Variants in REV3L observed in about 807,000 individuals in gnomAD.
REV3L encodes REV3 like, DNA directed polymerase zeta catalytic subunit, also known as DNA polymerase zeta catalytic subunit.
In REV3L, 69 loss-of-function variants were observed where a neutral mutation model predicts 299.4. That is an observed-to-expected ratio of 0.23 (90% CI 0.19 to 0.28). The LOEUF (loss-of-function observed/expected upper bound fraction) is 0.28, where lower values mean the gene tolerates loss of function less well. Among genes scored for constraint, REV3L ranks in the 10% least tolerant of loss-of-function variants. The pLI, the probability that REV3L is intolerant of heterozygous loss-of-function variation, is 1.00. For missense variants in REV3L, 3,128 were observed against 3,693.8 expected, an observed-to-expected ratio of 0.85 and a Z score of 3.97; for synonymous variants, 1,238 against 1,271.4, an observed-to-expected ratio of 0.97 and a Z score of 0.56.
intron 1 of REV3L, among the ~76,000 whole-genome samples, chr6:111,478,001 T>C (rs1190074822): frequency 6.6e-6 from 1 of 152,168 alleles, no homozygotes; most frequent in African/African-American, 2.4e-5. Flanking sequence ...TCCCTAAAAC[T>C]AGAATTACTG....
chr6:111,470,881 G>A (rs1043626111), intron 1 of REV3L, among the ~76,000 whole-genome samples: 4 of 152,186 alleles, frequency 2.6e-5, no homozygotes. Context: ...TTGGGAGGCT[G>A]AGGCAGGAGA....
At position 111,299,513 on chromosome 6, in the gene REV3L, A is replaced by G. The variant is rs1771242590; in HGVS notation, c.*503T>C. ...AAAACCTAGAGGAAATATACCAAAC[A>G]ACTTGAAAATCATTTGTATAAAAAT... On this transcript the variant is annotated 3_prime_UTR_variant, in exon 32 of 32. Coordinates refer to ENST00000368802, the MANE Select transcript of REV3L (RefSeq NM_001372078.1). 1 of 152,746 alleles carries G rather than the reference A, an allele frequency of 6.5e-6. No homozygotes were observed. Among genetic ancestry groups the G allele is most frequent in the African/African-American group, 2.4e-5 (1 of 41,468 alleles). The allele number at this position is 152,746 out of a possible 1,614,324, so 9.5% of individuals were successfully genotyped here. A position where few individuals can be genotyped will look rare whatever the true frequency, so the allele number is the denominator to read the frequency against.
intron 24 of REV3L, chr6:111,330,353 A>G: frequency 2.2e-6 from 1 of 445,016 alleles, no homozygotes. Context: ...AAATTTGTTG[A>G]TGCCAAAAAA....
At chr6:111,478,269 T>C (rs572559454) in intron 1 of REV3L, among the ~76,000 whole-genome samples, 1 of 152,234 alleles carries the variant, frequency 6.6e-6, no homozygotes, top group East Asian at 1.9e-4. Context: ...CCAGTCATAC[T>C]GCATTTGACT....
At chr6:111,359,520 G>GGAAA (rs1491511143) in intron 16 of REV3L, among the ~76,000 whole-genome samples, 1 of 102,608 alleles carries the variant, frequency 9.7e-6, no homozygotes, top group African/African-American at 3.9e-5. Flanking sequence ...AGTTTTTCCT[G>GGAAA]AAAAAAAAAA....
chr6:111,306,596 T>C (rs940987131), intron 31 of REV3L, among the ~76,000 whole-genome samples: 2 of 152,202 alleles, frequency 1.3e-5, no homozygotes, highest in Non-Finnish European at 2.9e-5. Flanking sequence ...ATATCCCAGC[T>C]CGGCCACTTA....
chr6:111,367,022 T>C lies in REV3L; in HGVS notation c.6673+93A>G, dbSNP rs147358264. 68 of 1,109,292 alleles carry C rather than the reference T, an allele frequency of 6.1e-5. No individual in the cohort carries two copies. The African/African-American group carries it at 1.1e-3, about 18-fold the overall frequency. 68.7% of individuals were successfully genotyped at this position (1,109,292 alleles called of 1,614,324 possible). ...ATATTTGCTGAGCTATACCTTCATT[T>C]AAAAAGCTCTGATTTTCATTACAGT... On this transcript the variant is annotated intron_variant, in intron 14 of 31. Transcript: ENST00000368802.
intron 18 of REV3L, among the ~76,000 whole-genome samples, chr6:111,356,280 T>C (rs1317414487): frequency 6.6e-6 from 1 of 152,176 alleles, no homozygotes; most frequent in Non-Finnish European, 1.5e-5. Flanking sequence ...TCCTTAAGTT[T>C]CTACAAAGTG....
At chr6:111,422,147 T>C (rs529393680) in intron 1 of REV3L, among the ~76,000 whole-genome samples, 3 of 152,170 alleles carry the variant, frequency 2.0e-5, no homozygotes, top group East Asian at 3.9e-4. Context: ...CTAACAATAG[T>C]GAAAAAAATG....
At chr6:111,349,552 T>C (rs1216729180) in intron 19 of REV3L, among the ~76,000 whole-genome samples, 2 of 152,206 alleles carry the variant, frequency 1.3e-5, no homozygotes, top group African/African-American at 2.4e-5. Context: ...TTCTTTAGAT[T>C]TGGTAATTTT....
intron 1 of REV3L, among the ~76,000 whole-genome samples, chr6:111,429,644 T>C (rs1786621959): frequency 6.6e-6 from 1 of 150,588 alleles, no homozygotes; most frequent in African/African-American, 2.4e-5. Flanking sequence ...CACAACATAG[T>C]GTCAAAATGT....
At chr6:111,406,985 A>G (rs778777256) in intron 3 of REV3L, among the ~76,000 whole-genome samples, 12 of 152,176 alleles carry the variant, frequency 7.9e-5, no homozygotes, top group Non-Finnish European at 1.5e-4. Context: ...TAGATTTAAA[A>G]ATCACACAAA....
rs12055591 is a variant in REV3L, at chr6:111,428,491, T to C, written c.140-12019A>G. Among the ~76,000 whole-genome samples the C allele has an allele frequency of 5.5e-3, 834 of 152,026 alleles. 2 individuals are homozygous for C. The highest frequency in any genetic ancestry group is 9.3e-3 in the Non-Finnish European group (629 of 67,976). ...CCTACAAGACAACACAGAAAAGTAA[T>C]ACAGAAATTTATTAGAGAAATTTAA... On this transcript the variant is annotated intron_variant, in intron 1 of 31. Transcript: ENST00000368802.
At position 111,333,214 on chromosome 6, in the gene REV3L, C is replaced by T. The variant is rs375272662; in HGVS notation, c.7834G>A (p.Val2612Ile). The change falls in exon 23 of 32, where the codon GTT becomes ATT. Residue 2612 changes from valine to isoleucine, a missense_variant. Val to Ile is a conservative substitution (Grantham distance 29). Transcript: ENST00000368802. ...ESRFYSNSVLVLDFQSLYPSI... is the reference protein window; with the variant it reads ...ESRFYSNSVLILDFQSLYPSI... The stretch of plus-strand genomic sequence containing the variant: ...GGATAAAGTGATTGGAAATCCAAAA[C>T]GAGAACAGAGTTGCTATAGAAGCGG... The T allele has an allele frequency of 7.4e-6, 12 of 1,614,080 alleles. No homozygotes were observed. The highest frequency in any genetic ancestry group is 1.0e-5 in the Non-Finnish European group (12 of 1,180,012).
At position 111,389,988 on chromosome 6, in the gene REV3L, C is replaced by T. The variant is rs529819451; in HGVS notation, c.757+98G>A. 69 of 740,820 alleles carry T rather than the reference C, an allele frequency of 9.3e-5. No individual in the cohort carries two copies. The Middle Eastern group carries it at 1.6e-3, about 17-fold the overall frequency. The allele number at this position is 740,820 out of a possible 1,614,324, so 45.9% of individuals were successfully genotyped here. On this transcript the variant is annotated intron_variant, in intron 6 of 31. Transcript: ENST00000368802. The stretch of plus-strand genomic sequence containing the variant: ...TGACCTCATGATCCACCCACCTTGG[C>T]CTCCCAAAGTGCTGGGATTACAGGC...
At chr6:111,392,221 G>C (rs1782005933) in intron 5 of REV3L, among the ~76,000 whole-genome samples, 1 of 152,290 alleles carries the variant, frequency 6.6e-6, no homozygotes, top group Non-Finnish European at 1.5e-5. Context: ...TTTACAACTT[G>C]CCCTTATACA....
intron 1 of REV3L, among the ~76,000 whole-genome samples, chr6:111,482,076 C>T (rs1793759049): frequency 6.6e-6 from 1 of 152,152 alleles, no homozygotes; most frequent in Non-Finnish European, 1.5e-5. Context: ...ATGCACATTT[C>T]CTGAAAGCAC....
chr6:111,436,207 G>T (rs1787532256), intron 1 of REV3L, among the ~76,000 whole-genome samples: 1 of 152,160 alleles, frequency 6.6e-6, no homozygotes, highest in African/African-American at 2.4e-5. Flanking sequence ...CCACTGCTGG[G>T]AATGTAAATT....
rs186585250 is a variant in REV3L at position 111,399,230 on chromosome 6, G to A, written c.565+6240C>T. Among the ~76,000 whole-genome samples the A allele has an allele frequency of 4.0e-5, 6 of 151,874 alleles. No individual in the cohort carries two copies. In the East Asian group the frequency reaches 1.2e-3, roughly 29 times the overall value. On this transcript the variant is annotated intron_variant, in intron 4 of 31. Coordinates refer to ENST00000368802, the MANE Select transcript of REV3L (RefSeq NM_001372078.1). ...TTCCTCAATCTGTCTTAAATTCTTGGTTATACTTGACAATGATAACTAACT... is the reference window on the plus strand; with the variant it reads ...TTCCTCAATCTGTCTTAAATTCTTGATTATACTTGACAATGATAACTAACT...
Sources: allele counts gnomAD v4.1 joint callset (sites outside exome capture counted in the v4.1 genomes callset), GRCh38; gene constraint gnomAD v4.1.1; transcripts MANE v1.5; gene names NCBI Gene and HGNC (gene_info 2026-07-23, HGNC 2026-07-21).